The following DNAH3 variants were observed in gnomAD, a reference collection of about 807,000 sequenced individuals.
The protein encoded by DNAH3 is dynein axonemal heavy chain 3, also known as axonemal beta dynein heavy chain 3.
DNAH3 carries 332 observed loss-of-function variants against 432.5 expected under a neutral mutation model. That is an observed-to-expected ratio of 0.77 (90% confidence interval 0.70 to 0.84). The LOEUF is 0.84. Ranked by LOEUF, DNAH3 falls within the 40% of genes least tolerant of loss-of-function variation. DNAH3 has a pLI of 0.00. For synonymous variants in DNAH3, 1,956 were observed against 1,900.2 expected, an observed-to-expected ratio of 1.03 and a Z score of -0.76; for missense variants, 4,861 against 5,114.0, an observed-to-expected ratio of 0.95 and a Z score of 1.51.
Position 21,122,062 on chromosome 16 carries a change from C to G in DNAH3, c.1467G>C (p.Met489Ile), listed in dbSNP as rs369790682. Residue 489 changes from methionine to isoleucine, a missense_variant, in exon 10 of 62, where the codon ATG becomes ATC. Met to Ile is a conservative substitution (Grantham distance 10). Coordinates refer to ENST00000261383, the Ensembl canonical transcript of DNAH3. ...TGGGTTCACTGACTTCAAGTTTGAT[C>G]ATGATTAGCTGAGGTATGAAAAACT... 1.7e-5 allele frequency: 28 copies of G among 1,613,790 alleles called. No homozygotes were observed. The African/African-American group carries it at 3.3e-4, about 19-fold the overall frequency.
intron 16 of DNAH3, 134 bp from the exon 17 acceptor site, chr16:21,098,903 C>A: frequency 2.4e-6 from 2 of 836,978 alleles, no homozygotes; most frequent in Middle Eastern, 2.4e-4. Context: ...CCCAATACTC[C>A]CAACTCCATC....
At chr16:20,936,424 G>A (rs970942155) in intron 60 of DNAH3, among the ~76,000 whole-genome samples, 6 of 152,102 alleles carry the variant, frequency 3.9e-5, no homozygotes, top group Non-Finnish European at 8.8e-5. Context: ...CCAGAGTGCT[G>A]GCAATACAGA....
intron 29 of DNAH3, 49 bp downstream of exon 29, chr16:21,051,621 C>A: frequency 6.3e-7 from 1 of 1,586,108 alleles, no homozygotes; most frequent in South Asian, 1.1e-5. Flanking sequence ...AGTCTTCTTC[C>A]CCTGGAGTTC....
intron 16 of DNAH3, chr16:21,104,156 A>G (rs1019955200): frequency 7.9e-6 from 2 of 252,286 alleles, no homozygotes; most frequent in Non-Finnish European, 1.6e-5. Context: ...AAGGCTGACA[A>G]TTTCACTATT....
chr16:21,136,376 GAC>G lies in DNAH3; in HGVS notation c.832_833del (p.Val278ProfsTer8). 1.9e-6 allele frequency: 3 copies of G among 1,614,002 alleles called. No individual in the cohort carries two copies. The highest frequency in any genetic ancestry group is 2.5e-6 in the Non-Finnish European group (3 of 1,179,924). On this transcript the variant is annotated frameshift_variant, in exon 6 of 62. Transcript: ENST00000261383. LOFTEE classifies it high-confidence loss of function. ...AGTCATTCTCCTTCTCCTGCACGAG[GAC>G]CACCATCAGGGGCTCCAGGAAGGGA...
intron 41 of DNAH3, among the ~76,000 whole-genome samples, chr16:21,014,989 A>G (rs1392890492): frequency 2.6e-5 from 4 of 152,178 alleles, no homozygotes; most frequent in African/African-American, 7.2e-5. Context: ...AAAGACCCTA[A>G]ATTATTAAGA....
chr16:20,953,168 T>C (rs2084393345), intron 55 of DNAH3, among the ~76,000 whole-genome samples: 1 of 151,872 alleles, frequency 6.6e-6, no homozygotes, highest in African/African-American at 2.4e-5. Flanking sequence ...TTGTTGTTTT[T>C]TTTTTTTGGA....
chr16:21,153,981 A>G (rs2152837751), intron 1 of DNAH3, among the ~76,000 whole-genome samples: 1 of 152,334 alleles, frequency 6.6e-6, no homozygotes, highest in South Asian at 2.1e-4. Flanking sequence ...TAGCATTTGG[A>G]ATAATTGAGA....
intron 42 of DNAH3, among the ~76,000 whole-genome samples, chr16:21,001,875 ATTGT>A (rs1202078035): frequency 6.6e-6 from 1 of 152,188 alleles, no homozygotes; most frequent in Admixed American, 6.5e-5. Flanking sequence ...AACTAGGACA[ATTGT>A]TTGACAAGGG....
intron 7 of DNAH3, among the ~76,000 whole-genome samples, chr16:21,129,831 T>G (rs1396727152): frequency 6.6e-6 from 1 of 151,898 alleles, no homozygotes; most frequent in Non-Finnish European, 1.5e-5. Flanking sequence ...AACAAGTGTT[T>G]TATGGGCAAG....
chr16:20,959,508 A>G (rs986541481), intron 53 of DNAH3, 104 bp from the exon 54 acceptor site: 6 of 1,184,852 alleles, frequency 5.1e-6, no homozygotes, highest in African/African-American at 3.0e-5. Flanking sequence ...GGTGGCTCAC[A>G]CCTGTAATCC....
intron 44 of DNAH3, among the ~76,000 whole-genome samples, chr16:20,992,851 C>CT (rs1184698295): frequency 1.3e-5 from 2 of 152,066 alleles, no homozygotes; most frequent in African/African-American, 4.8e-5. Context: ...TGCCTAACTT[C>CT]TTTTTTTAGT....
At chr16:21,091,964 G>A (rs2091548874) in intron 18 of DNAH3, among the ~76,000 whole-genome samples, 1 of 152,120 alleles carries the variant, frequency 6.6e-6, no homozygotes. Flanking sequence ...AGAAATCAAA[G>A]AAGATATAAA....
chr16:21,087,013 T>G (rs749567902), exon 19 of DNAH3: 9 of 1,614,050 alleles, frequency 5.6e-6, no homozygotes, highest in Non-Finnish European at 7.6e-6. Flanking sequence ...CTCCACATAT[T>G]CCCTATCTCC....
At chr16:21,081,797 G>C (rs758115439) in intron 19 of DNAH3, 70 bp from the exon 20 acceptor site, 139 of 1,306,088 alleles carry the variant, frequency 1.1e-4, no homozygotes, top group Non-Finnish European at 1.4e-4. Context: ...CTTCTGTGAT[G>C]ATGGAGATGT....
intron 15 of DNAH3, among the ~76,000 whole-genome samples, chr16:21,106,177 T>C (rs7204816): frequency 0.051 from 4,989 of 97,524 alleles, 149 homozygotes; most frequent in East Asian, 0.21. Context: ...AGACTCCATC[T>C]AAAAAAAAAA....
At chr16:21,142,842 C>T (rs1023325118) in intron 3 of DNAH3, among the ~76,000 whole-genome samples, 15 of 151,918 alleles carry the variant, frequency 9.9e-5, no homozygotes, top group African/African-American at 2.4e-4. Context: ...TTTGTAGAGA[C>T]GGGGTTTTGT....
At chr16:21,116,127 G>A (rs553297047) in intron 12 of DNAH3, among the ~76,000 whole-genome samples, 1 of 152,294 alleles carries the variant, frequency 6.6e-6, no homozygotes, top group Non-Finnish European at 1.5e-5. Flanking sequence ...TGGTTTGCCT[G>A]GGACAGTCCA....
chr16:20,994,288 C>T (rs528877429), intron 44 of DNAH3, among the ~76,000 whole-genome samples: 5 of 152,088 alleles, frequency 3.3e-5, no homozygotes, highest in Admixed American at 2.6e-4. Context: ...AAAAATTAGC[C>T]GGGCATTGTG....
Sources: gnomAD v4.1 joint callset for allele counts (sites outside exome capture counted in the v4.1 genomes callset) on GRCh38, gnomAD v4.1.1 for gene constraint, MANE v1.5 for transcripts, NCBI Gene and HGNC (gene_info 2026-07-23, HGNC 2026-07-21) for gene names.